Variants in TENM2 observed in about 807,000 individuals in gnomAD.
The protein encoded by TENM2 is teneurin transmembrane protein 2.
In TENM2, 52 loss-of-function variants were observed where a neutral mutation model predicts 245.2. The observed-to-expected ratio is 0.21, with a 90% confidence interval of 0.17 to 0.27. The LOEUF (loss-of-function observed/expected upper bound fraction) is 0.27. Among genes scored for constraint, TENM2 ranks in the 10% least tolerant of loss-of-function variants. The pLI is 1.00. For missense variants in TENM2, 3,046 were observed against 3,666.8 expected (o/e 0.83, Z 4.37); for synonymous variants, 1,363 against 1,438.9 (o/e 0.95, Z 1.19).
chr5:167,776,689 G>C (rs78443358), intron 2 of TENM2, among the ~76,000 whole-genome samples: 1 of 136,602 alleles, frequency 7.3e-6, no homozygotes, highest in East Asian at 2.2e-4. Flanking sequence ...ATGCTACACT[G>C]ATCTTAAGGG....
chr5:168,215,050 G>A, exon 21 of TENM2: 1 of 1,613,730 alleles, frequency 6.2e-7, no homozygotes, highest in Non-Finnish European at 8.5e-7. Context: ...CAACAACCCA[G>A]CACACAAGTA....
chr5:168,183,837 A>C (rs1460553065), intron 13 of TENM2, among the ~76,000 whole-genome samples: 2 of 151,038 alleles, frequency 1.3e-5, no homozygotes, highest in African/African-American at 4.9e-5. Context: ...AGAAGACTCA[A>C]AAAGAAAAAG....
chr5:167,944,691 C>A (rs780251372), intron 3 of TENM2, among the ~76,000 whole-genome samples: 4 of 152,072 alleles, frequency 2.6e-5, no homozygotes, highest in Non-Finnish European at 5.9e-5. Flanking sequence ...GGGACTGGGC[C>A]GTGACTGCTG....
At chr5:168,165,816 G>C (rs1300032473) in intron 13 of TENM2, 1 of 146,468 alleles carries the variant, frequency 6.8e-6, no homozygotes, top group African/African-American at 2.5e-5. Context: ...AAAAAAAAAG[G>C]CTGCATGGTG....
chr5:168,163,021 C>T (rs1204709969), intron 13 of TENM2, among the ~76,000 whole-genome samples: 5 of 152,208 alleles, frequency 3.3e-5, no homozygotes, highest in South Asian at 4.1e-4. Context: ...TGGGCCCTGG[C>T]GCTGCCTTCA....
chr5:167,849,992 G>T (rs1770424668), intron 2 of TENM2, among the ~76,000 whole-genome samples: 2 of 152,060 alleles, frequency 1.3e-5, no homozygotes, highest in South Asian at 4.1e-4. Flanking sequence ...TTGCATCATT[G>T]TCCGTGGGTG....
chr5:167,775,272 T>C (rs908902424), intron 2 of TENM2, among the ~76,000 whole-genome samples: 9 of 152,142 alleles, frequency 5.9e-5, no homozygotes, highest in African/African-American at 1.9e-4. Flanking sequence ...CTGGCCAGGG[T>C]GTGAGGTCTT....
At chr5:167,454,343 A>G (rs559744209) in intron 2 of TENM2, among the ~76,000 whole-genome samples, 4 of 152,318 alleles carry the variant, frequency 2.6e-5, no homozygotes, top group African/African-American at 9.6e-5. Context: ...GATCATAGGC[A>G]TGAAAGGGAA....
chr5:167,238,850 A>T, the TENM2 span, among the ~76,000 whole-genome samples: 1 of 152,192 alleles, frequency 6.6e-6, no homozygotes, highest in Non-Finnish European at 1.5e-5. Context: ...TCATAGATTA[A>T]AGTTGCTTTG....
intron 2 of TENM2, among the ~76,000 whole-genome samples, chr5:167,451,650 T>C (rs1419752992): frequency 1.2e-5 from 1 of 84,550 alleles, no homozygotes; most frequent in African/African-American, 3.4e-5. Flanking sequence ...TAGCAACTGA[T>C]TTTTTTTTTT....
At chr5:167,079,396 C>T in the TENM2 span, among the ~76,000 whole-genome samples, 2 of 150,588 alleles carry the variant, frequency 1.3e-5, no homozygotes, top group Admixed American at 1.3e-4. Flanking sequence ...TCACTGCAAC[C>T]TCCGCCTCCC....
chr5:167,139,634 G>C, the TENM2 span, among the ~76,000 whole-genome samples: 1 of 152,162 alleles, frequency 6.6e-6, no homozygotes, highest in Non-Finnish European at 1.5e-5. Context: ...TCAATCGTTA[G>C]CTAATGGTTG....
the TENM2 span, among the ~76,000 whole-genome samples, chr5:167,268,261 A>G: frequency 6.6e-6 from 1 of 152,220 alleles, no homozygotes; most frequent in Non-Finnish European, 1.5e-5. Context: ...TAGCAGCAGC[A>G]GTCAGGCAAT....
the TENM2 span, among the ~76,000 whole-genome samples, chr5:167,194,180 A>T: frequency 6.6e-6 from 1 of 152,048 alleles, no homozygotes. Context: ...CTGGCACAGG[A>T]TGCCAATATC....
chr5:167,167,658 A>G, the TENM2 span, among the ~76,000 whole-genome samples: 11 of 152,336 alleles, frequency 7.2e-5, no homozygotes, highest in Non-Finnish European at 1.6e-4. Flanking sequence ...AGCACGTTAT[A>G]TGTAGGACTA....
In TENM2 at chr5:167,918,184, T is replaced by G. The variant is rs1213199521; in HGVS notation, c.713-34404T>G. On this transcript the variant is annotated intron_variant, in intron 3 of 28. Transcript: ENST00000518659. The stretch of plus-strand genomic sequence containing the variant: ...TGTGAGATCATGACGGGTTTATTTA[T>G]ATTTCTCTTTTTATGAAAGCTTAGC... 2.0e-5 allele frequency among the ~76,000 whole-genome samples: 3 copies of G among 152,218 alleles called. No homozygotes were observed. The East Asian group carries it at 5.8e-4, about 29-fold the overall frequency.
chr5:167,460,150 T>C (rs1766206390), intron 2 of TENM2, among the ~76,000 whole-genome samples: 1 of 152,116 alleles, frequency 6.6e-6, no homozygotes, highest in Non-Finnish European at 1.5e-5. Flanking sequence ...AAGTAATTGG[T>C]CCCAAGTTGA....
intron 28 of TENM2, 107 bp from the exon 31 acceptor site, chr5:168,261,942 C>A: frequency 9.0e-7 from 1 of 1,110,878 alleles, no homozygotes; most frequent in East Asian, 2.4e-5. Context: ...TGGATAGACC[C>A]AACACTAGTT....
At chr5:167,992,546 G>A (rs1315827851) in intron 4 of TENM2, among the ~76,000 whole-genome samples, 1 of 152,102 alleles carries the variant, frequency 6.6e-6, no homozygotes, top group Non-Finnish European at 1.5e-5. Context: ...AGTGACACGA[G>A]TATACCTATA....
Sources: gnomAD v4.1 joint callset for allele counts (sites outside exome capture counted in the v4.1 genomes callset) on GRCh38, gnomAD v4.1.1 for gene constraint, MANE v1.5 for transcripts, NCBI Gene and HGNC (gene_info 2026-07-23, HGNC 2026-07-21) for gene names.